Variants in USP24 observed in about 807,000 individuals in gnomAD.
The protein encoded by USP24 is ubiquitin specific peptidase 24.
In USP24, 97 loss-of-function variants were observed where a neutral mutation model predicts 361.6. The ratio of observed to expected loss-of-function variants is 0.27; its 90% confidence interval spans 0.23 to 0.32. USP24 has a LOEUF of 0.32. Ranked by LOEUF, USP24 falls within the 10% of genes least tolerant of loss-of-function variation. The pLI is 1.00. For synonymous variants in USP24, 1,098 were observed against 1,124.6 expected (o/e 0.98, Z 0.47); for missense variants, 2,353 against 3,165.6 (o/e 0.74, Z 6.16).
At chr1:55,195,657 C>T (rs1489841788) in intron 1 of USP24, among the ~76,000 whole-genome samples, 1 of 152,074 alleles carries the variant, frequency 6.6e-6, no homozygotes, top group East Asian at 1.9e-4. Flanking sequence ...CATGAACAAG[C>T]CTTGAGGACA....
At position 55,146,955 on chromosome 1, in the gene USP24, G is replaced by C. The variant is rs764735843; in HGVS notation, c.2224C>G (p.Gln742Glu). Residue 742 changes from glutamine to glutamate, a missense_variant, in exon 19 of 68, where the codon CAG becomes GAG. Gln to Glu is a conservative substitution (Grantham distance 29). Transcript: ENST00000294383. ...KEIWECLVTG[Q>E]DVCELDREMC... Reference sequence around the variant, plus strand: ...TCTCTATCTAATTCACAAACATCCTGGCCAGTTACAAGACACTCCCAGATC... The same window carrying C: ...TCTCTATCTAATTCACAAACATCCTCGCCAGTTACAAGACACTCCCAGATC... The C allele has an allele frequency of 1.2e-5, 19 of 1,611,788 alleles. No homozygotes were observed. Among genetic ancestry groups the C allele is most frequent in the Middle Eastern group, 1.6e-4 (1 of 6,070 alleles).
At chr1:55,176,483 A>G in intron 2 of USP24, 40 bp from the exon 3 acceptor site, 9 of 1,510,324 alleles carry the variant, frequency 6.0e-6, no homozygotes, top group Non-Finnish European at 8.1e-6. Flanking sequence ...TATTTAAGTC[A>G]GACTCAGAAA....
At chr1:55,098,666 C>T in intron 45 of USP24, 108 bp from the exon 46 acceptor site, 1 of 768,526 alleles carries the variant, frequency 1.3e-6, no homozygotes. Flanking sequence ...ACGCGTCATT[C>T]TGGTAGTATC....
intron 1 of USP24, among the ~76,000 whole-genome samples, chr1:55,203,407 T>TA (rs1451507305): frequency 3.9e-5 from 6 of 152,178 alleles, no homozygotes; most frequent in African/African-American, 9.7e-5. Context: ...TGACAAGACT[T>TA]ACCACCACCA....
In USP24 at chr1:55,147,115, A is replaced by G; in HGVS notation, c.2119-55T>C. On this transcript the variant is annotated intron_variant, in intron 18 of 67. Coordinates refer to ENST00000294383, the MANE Select transcript of USP24 (RefSeq NM_015306.3). ...ACTCCAGGCATTCATTCCTAAAAGC[A>G]ACATTAAAACAAAACAAAACTTTAA... The G allele has an allele frequency of 2.0e-6, 3 of 1,463,738 alleles. No individual in the cohort carries two copies. The East Asian group carries it at 7.5e-5, about 37-fold the overall frequency. The allele number at this position is 1,463,738 out of a possible 1,614,324, so 90.7% of individuals were successfully genotyped here. A position where few individuals can be genotyped will look rare whatever the true frequency, so the allele number is the denominator to read the frequency against.
At chr1:55,164,578 C>G (rs1648629575) in intron 7 of USP24, among the ~76,000 whole-genome samples, 1 of 152,082 alleles carries the variant, frequency 6.6e-6, no homozygotes, top group Non-Finnish European at 1.5e-5. Context: ...TCTCCAATGC[C>G]TGAGTGTTAC....
chr1:55,123,717 A>C, intron 35 of USP24, 115 bp from the exon 36 acceptor site: 2 of 1,071,076 alleles, frequency 1.9e-6, no homozygotes, highest in Non-Finnish European at 2.5e-6. Flanking sequence ...TCAAGAAAGC[A>C]CTTAGGTCCA....
chr1:55,072,289 C>T (rs376212440), intron 66 of USP24, 28 bp downstream of exon 66: 3 of 1,600,058 alleles, frequency 1.9e-6, no homozygotes, highest in Non-Finnish European at 2.6e-6. Flanking sequence ...GTGATTTAGA[C>T]CACGCAAAAA....
intron 32 of USP24, 106 bp downstream of exon 32, chr1:55,129,371 G>A: frequency 1.3e-6 from 1 of 768,742 alleles, no homozygotes; most frequent in South Asian, 1.9e-5. Context: ...CTCACAATGA[G>A]TCATATGATA....
intron 38 of USP24, among the ~76,000 whole-genome samples, chr1:55,110,524 A>ACATT (rs1645918603): frequency 1.3e-5 from 2 of 152,324 alleles, no homozygotes; most frequent in South Asian, 4.1e-4. Flanking sequence ...TACACTCATT[A>ACATT]CATTCATTCA....
intron 39 of USP24, among the ~76,000 whole-genome samples, chr1:55,107,865 A>ACC (rs1553150275): frequency 5.4e-4 from 80 of 147,150 alleles, no homozygotes; most frequent in African/African-American, 1.9e-3. Context: ...AAAAAAAAAA[A>ACC]ACACACAAAA....
intron 2 of USP24, 29 bp from the exon 3 acceptor site, chr1:55,176,472 T>A: frequency 4.5e-6 from 7 of 1,544,382 alleles, no homozygotes; most frequent in Non-Finnish European, 5.3e-6. Flanking sequence ...ATAATATACT[T>A]TATTTAAGTC....
intron 53 of USP24, 100 bp downstream of exon 53, chr1:55,092,721 T>C (rs929018971): frequency 1.4e-4 from 119 of 871,084 alleles, no homozygotes; most frequent in Non-Finnish European, 1.9e-4. Flanking sequence ...CTAACCTGAA[T>C]GCTAACTACT....
chr1:55,086,628 AATTAT>A (rs1357976678), intron 55 of USP24, among the ~76,000 whole-genome samples: 35 of 152,230 alleles, frequency 2.3e-4, no homozygotes, highest in Non-Finnish European at 5.9e-5. Flanking sequence ...GATATGAAGG[AATTAT>A]ATTAATTTTG....
chr1:55,166,879 T>C (rs909418732), intron 5 of USP24, among the ~76,000 whole-genome samples: 1 of 152,194 alleles, frequency 6.6e-6, no homozygotes, highest in African/African-American at 2.4e-5. Flanking sequence ...CTCTCCAACA[T>C]ACAGGATAAC....
intron 41 of USP24, 52 bp from the exon 42 acceptor site, chr1:55,104,072 T>C: frequency 6.5e-7 from 1 of 1,535,226 alleles, no homozygotes; most frequent in South Asian, 1.2e-5. Flanking sequence ...CTACTTAAAT[T>C]ACTCATTAAA....
chr1:55,072,930 C>G (rs916681057), intron 64 of USP24, 69 bp from the exon 65 acceptor site: 2 of 1,411,832 alleles, frequency 1.4e-6, no homozygotes, highest in African/African-American at 1.4e-5. Flanking sequence ...CATTTTGAAA[C>G]GTAAATGCTA....
Position 55,067,971 on chromosome 1 carries a change from GTTAA to G in USP24, c.*1070_*1073del, listed in dbSNP as rs896253591. 2 of 152,172 alleles carry G rather than the reference GTTAA, an allele frequency of 1.3e-5. No individual in the cohort carries two copies. Among genetic ancestry groups the G allele is most frequent in the Non-Finnish European group, 2.9e-5 (2 of 68,040 alleles). The allele number at this position is 152,172 out of a possible 1,614,324, so 9.4% of individuals were successfully genotyped here. A position where few individuals can be genotyped will look rare whatever the true frequency, so the allele number is the denominator to read the frequency against. ...CTTAAACCTTGACTGACTTTTCAGT[GTTAA>G]TTAGTCATGTTGAGGAGAAACAAAT... On this transcript the variant is annotated 3_prime_UTR_variant, in exon 68 of 68. Transcript: ENST00000294383.
chr1:55,153,030 T>C (rs1245167659), intron 16 of USP24, among the ~76,000 whole-genome samples: 1 of 152,182 alleles, frequency 6.6e-6, no homozygotes, highest in Non-Finnish European at 1.5e-5. Flanking sequence ...TTTTCTTATG[T>C]TAATAATAAA....
Sources: allele counts gnomAD v4.1 joint callset (sites outside exome capture counted in the v4.1 genomes callset), GRCh38; gene constraint gnomAD v4.1.1; transcripts MANE v1.5; gene names NCBI Gene and HGNC (gene_info 2026-07-23, HGNC 2026-07-21).